Variants in KLHL8 observed in about 807,000 individuals in gnomAD.
KLHL8 encodes the protein kelch like family member 8.
In KLHL8, 38 loss-of-function variants were observed where a neutral mutation model predicts 63.5. The ratio of observed to expected loss-of-function variants is 0.60; its 90% CI spans 0.46 to 0.78. KLHL8 has a LOEUF of 0.78. KLHL8 is among the 30% of genes least tolerant of loss of function. The pLI is 0.00. For missense variants in KLHL8, 566 were observed against 752.4 expected (o/e 0.75, Z 2.90); for synonymous variants, 224 against 254.3 (o/e 0.88, Z 1.13).
At chr4:87,194,507 C>CA (rs922398053) in intron 2 of KLHL8, among the ~76,000 whole-genome samples, 85 of 151,984 alleles carry the variant, frequency 5.6e-4, no homozygotes, top group Non-Finnish European at 4.7e-4. Context: ...CCCATCTCTA[C>CA]AAAAAAAATG....
intron 1 of KLHL8, among the ~76,000 whole-genome samples, chr4:87,197,964 A>G (rs1261983307): frequency 3.3e-5 from 5 of 150,784 alleles, no homozygotes; most frequent in Non-Finnish European, 5.9e-5. Flanking sequence ...AAATAAATAA[A>G]TAAATAAATA....
intron 1 of KLHL8, among the ~76,000 whole-genome samples, chr4:87,199,901 T>C (rs1229075261): frequency 6.6e-6 from 1 of 151,620 alleles, no homozygotes; most frequent in Non-Finnish European, 1.5e-5. Flanking sequence ...ATCTCAACAC[T>C]GGTAGGCTGA....
intron 1 of KLHL8, among the ~76,000 whole-genome samples, chr4:87,208,995 T>C (rs748461162): frequency 2.6e-5 from 4 of 152,166 alleles, no homozygotes; most frequent in Non-Finnish European, 4.4e-5. Context: ...AATAATGCAA[T>C]GTCCTCAACT....
chr4:87,235,919 G>C (rs1390913987), intron 1 of KLHL8, among the ~76,000 whole-genome samples: 1 of 152,240 alleles, frequency 6.6e-6, no homozygotes, highest in East Asian at 1.9e-4. Flanking sequence ...GCGGGGGAAG[G>C]GGGAATCGAA....
At chr4:87,189,643 C>T (rs1731401364) in intron 2 of KLHL8, among the ~76,000 whole-genome samples, 1 of 151,540 alleles carries the variant, frequency 6.6e-6, no homozygotes, top group African/African-American at 2.4e-5. Flanking sequence ...GTGGAGTGTA[C>T]TTTCATTTCA....
At chr4:87,169,829 C>T (rs1056235703) in intron 8 of KLHL8, among the ~76,000 whole-genome samples, 2 of 150,794 alleles carry the variant, frequency 1.3e-5, no homozygotes, top group Admixed American at 1.3e-4. Flanking sequence ...TGTGCCACCG[C>T]ACTTCAGCCT....
chr4:87,190,945 C>T (rs1161703904), intron 2 of KLHL8, among the ~76,000 whole-genome samples: 1 of 152,076 alleles, frequency 6.6e-6, no homozygotes, highest in Non-Finnish European at 1.5e-5. Context: ...AATTTGTGAT[C>T]ATGAGTTATA....
intron 1 of KLHL8, among the ~76,000 whole-genome samples, chr4:87,201,306 A>G (rs1236280131): frequency 1.3e-5 from 2 of 152,232 alleles, no homozygotes; most frequent in Admixed American, 6.5e-5. Context: ...CATAATGACA[A>G]AAGTGTCAAT....
chr4:87,228,250 G>A (rs990690628), intron 1 of KLHL8, among the ~76,000 whole-genome samples: 3 of 152,078 alleles, frequency 2.0e-5, no homozygotes, highest in African/African-American at 7.2e-5. Context: ...GTGCTTTCCT[G>A]TGTTCTGTGA....
intron 8 of KLHL8, among the ~76,000 whole-genome samples, chr4:87,168,502 C>T (rs1364345141): frequency 2.6e-5 from 4 of 151,924 alleles, no homozygotes; most frequent in Admixed American, 6.6e-5. Flanking sequence ...GAGAATTCTT[C>T]TTTAATGGGG....
At chr4:87,211,347 T>G (rs1732397566) in intron 1 of KLHL8, among the ~76,000 whole-genome samples, 1 of 152,228 alleles carries the variant, frequency 6.6e-6, no homozygotes, top group Admixed American at 6.5e-5. Context: ...TATTTCCTTT[T>G]TATTTACATT....
chr4:87,208,142 G>A lies in KLHL8; in HGVS notation c.-152+12276C>T, dbSNP rs551583268. 4.8e-5 allele frequency: 20 copies of A among 419,340 alleles called. 1 individual carries two copies. The highest frequency in any genetic ancestry group is 4.4e-4 in the Admixed American group (15 of 33,982). The allele number at this position is 419,340 out of a possible 1,614,324, so 26.0% of individuals were successfully genotyped here. A position where few individuals can be genotyped will look rare whatever the true frequency, so the allele number is the denominator to read the frequency against. On this transcript the variant is annotated intron_variant, in intron 1 of 9. Coordinates refer to ENST00000273963, the MANE Select transcript of KLHL8 (RefSeq NM_020803.5). Reference sequence around the variant, plus strand: ...AGAGCATGAGAGGAAGAGAGAGGTCGTCACTGCTGGGGAGTCCCTGCCACA... The same window carrying A: ...AGAGCATGAGAGGAAGAGAGAGGTCATCACTGCTGGGGAGTCCCTGCCACA...
chr4:87,194,591 T>A (rs1444069309), intron 2 of KLHL8, among the ~76,000 whole-genome samples: 1 of 152,220 alleles, frequency 6.6e-6, no homozygotes, highest in African/African-American at 2.4e-5. Context: ...GGAGGACTGC[T>A]TAAGCCCAAG....
intron 6 of KLHL8, among the ~76,000 whole-genome samples, chr4:87,173,195 G>A (rs930411072): frequency 6.6e-6 from 1 of 152,116 alleles, no homozygotes; most frequent in Non-Finnish European, 1.5e-5. Flanking sequence ...AGTTCCTTCA[G>A]ATCATAATAA....
intron 6 of KLHL8, among the ~76,000 whole-genome samples, chr4:87,171,054 C>A (rs1195151681): frequency 6.6e-6 from 1 of 152,094 alleles, no homozygotes; most frequent in African/African-American, 2.4e-5. Flanking sequence ...CATTATACCA[C>A]ACAAAAGAGT....
Position 87,196,942 on chromosome 4 carries a change from GTAT to G in KLHL8, c.-151-1255_-151-1253del. On this transcript the variant is annotated intron_variant, in intron 1 of 9. Transcript: ENST00000273963. Reference sequence around the variant, plus strand: ...TTACAAGTGCTTGTTTAAAATATTGGTATTATTAGAGTGGAAAGCTCTGCTTAT... The same window carrying G: ...TTACAAGTGCTTGTTTAAAATATTGGTATTAGAGTGGAAAGCTCTGCTTAT... Among the ~76,000 whole-genome samples, 2 of 152,302 alleles carry G rather than the reference GTAT, an allele frequency of 1.3e-5. 1 individual carries two copies. Among genetic ancestry groups the G allele is most frequent in the South Asian group, 4.1e-4 (2 of 4,822 alleles).
At chr4:87,206,818 C>T (rs552886611) in intron 1 of KLHL8, among the ~76,000 whole-genome samples, 10 of 152,164 alleles carry the variant, frequency 6.6e-5, no homozygotes, top group African/African-American at 1.9e-4. Flanking sequence ...CCCCATAGTA[C>T]GCTGTATTTC....
In KLHL8 at chr4:87,178,699, A is replaced by G. The variant is rs954883815; in HGVS notation, c.953-79T>C. 2.5e-5 allele frequency: 35 copies of G among 1,391,054 alleles called. No homozygotes were observed. The East Asian group carries it at 9.0e-4, about 36-fold the overall frequency. The allele number at this position is 1,391,054 out of a possible 1,614,324, so 86.2% of individuals were successfully genotyped here. On this transcript the variant is annotated intron_variant, in intron 4 of 9. Transcript: ENST00000273963. The stretch of plus-strand genomic sequence containing the variant: ...ATTAGAAAGCCAAAACTTTGGATAA[A>G]AGCAAAAAGACAAAAAAAAGTTATT...
chr4:87,209,402 T>C (rs1732297004), intron 1 of KLHL8, among the ~76,000 whole-genome samples: 1 of 152,176 alleles, frequency 6.6e-6, no homozygotes, highest in Non-Finnish European at 1.5e-5. Context: ...GATTCCTTTT[T>C]TTTTGCTCCT....
Sources: gnomAD v4.1 joint callset for allele counts (sites outside exome capture counted in the v4.1 genomes callset) on GRCh38, gnomAD v4.1.1 for gene constraint, MANE v1.5 for transcripts, NCBI Gene and HGNC (gene_info 2026-07-23, HGNC 2026-07-21) for gene names.